The following GDAP1 variants were observed in gnomAD, a reference collection of about 807,000 sequenced individuals.
The protein encoded by GDAP1 is ganglioside-induced differentiation-associated protein 1.
GDAP1 carries 34 observed loss-of-function variants against 40.1 expected under a neutral mutation model. The observed-to-expected ratio is 0.85, with a 90% CI of 0.64 to 1.13. GDAP1 has a LOEUF of 1.13. Among genes scored for constraint, GDAP1 ranks in the 50% most tolerant of loss-of-function variants. GDAP1 has a pLI of 0.00. For missense variants in GDAP1, 374 were observed against 433.7 expected, an observed-to-expected ratio of 0.86 and a Z score of 1.22; for synonymous variants, 170 against 157.4, an observed-to-expected ratio of 1.08 and a Z score of -0.60.
At chr8:74,352,124 G>T (rs1808905558) in intron 2 of GDAP1, among the ~76,000 whole-genome samples, 1 of 152,206 alleles carries the variant, frequency 6.6e-6, no homozygotes, top group African/African-American at 2.4e-5. Context: ...CAACAGGGTT[G>T]CCCAAAGTAA....
At chr8:74,469,663 C>A (rs1806520937) in intron 2 of GDAP1, among the ~76,000 whole-genome samples, 1 of 141,446 alleles carries the variant, frequency 7.1e-6, no homozygotes, top group Non-Finnish European at 1.5e-5. Context: ...AGTGAGACTC[C>A]GTCTCAAAAA....
At chr8:74,442,163 A>G (rs1427386172) in intron 2 of GDAP1, among the ~76,000 whole-genome samples, 1 of 152,232 alleles carries the variant, frequency 6.6e-6, no homozygotes, top group East Asian at 1.9e-4. Flanking sequence ...TGACCATACT[A>G]ATTCAAATAA....
rs563291379 is a variant in GDAP1, at chr8:74,409,940, A to T, written c.165+58619A>T. On this transcript the variant is annotated intron_variant, in intron 2 of 2. Transcript: ENST00000523640. ...TCCCATCTCCTTGGCTGTGGCACCC[A>T]ATTAAAGCCTTCTTCCCTGGTAATA... Among the ~76,000 whole-genome samples the T allele has an allele frequency of 7.3e-5, 11 of 150,064 alleles. 1 individual carries two copies. The highest frequency in any genetic ancestry group is 2.6e-4 in the Admixed American group (4 of 15,258).
At position 74,400,064 on chromosome 8, in the gene GDAP1, G is replaced by A. The variant is rs537803073; in HGVS notation, c.165+48743G>A. Among the ~76,000 whole-genome samples, 1,256 of 147,774 alleles carry A rather than the reference G, an allele frequency of 8.5e-3. 127 individuals carry two copies. The highest frequency in any genetic ancestry group is 0.031 in the African/African-American group (1,176 of 37,542). On this transcript the variant is annotated intron_variant, in intron 2 of 2. Transcript: ENST00000523640. ...GGAGAGTTCTGTAGATGTCTATTAG[G>A]TCCGCTTGGTGCAGAGCTGAGTTCA... is the stretch of plus-strand genomic sequence containing the variant.
At chr8:74,488,178 C>A (rs1004995660) in intron 2 of GDAP1, among the ~76,000 whole-genome samples, 10 of 152,158 alleles carry the variant, frequency 6.6e-5, no homozygotes, top group African/African-American at 2.4e-4. Context: ...AATTATTAAA[C>A]TAGCACATTC....
intron 2 of GDAP1, among the ~76,000 whole-genome samples, chr8:74,431,639 A>G (rs966745483): frequency 7.2e-5 from 11 of 151,966 alleles, no homozygotes; most frequent in African/African-American, 1.9e-4. Flanking sequence ...CCGCCACTGC[A>G]CCCGGCTAAT....
At position 74,380,960 on chromosome 8, in the gene GDAP1, A is replaced by G. The variant is rs569719533; in HGVS notation, c.165+29639A>G. ...TTCCTAATCCTGTTTAACTCTGTCC[A>G]GTGCAATTTTCTTTGACAAGTGACA... On this transcript the variant is annotated intron_variant, in intron 2 of 2. Coordinates refer to the GDAP1 transcript ENST00000523640. 1.0e-3 allele frequency among the ~76,000 whole-genome samples: 153 copies of G among 152,256 alleles called. No homozygotes were observed. In the Middle Eastern group the frequency reaches 0.014, roughly 14 times the overall value.
chr8:74,363,922 A>G (rs1044717692), intron 5 of GDAP1, 63 bp from the exon 6 acceptor site: 3 of 1,400,334 alleles, frequency 2.1e-6, no homozygotes, highest in Non-Finnish European at 3.0e-6. Flanking sequence ...GACCACTGAT[A>G]CCAGCTGGAG....
intron 2 of GDAP1, among the ~76,000 whole-genome samples, chr8:74,391,947 T>G (rs1385147431): frequency 6.6e-6 from 1 of 152,096 alleles, no homozygotes; most frequent in African/African-American, 2.4e-5. Flanking sequence ...GCCTCCCAAG[T>G]AGCTGGGATT....
chr8:74,440,127 T>C (rs946819372), intron 2 of GDAP1, among the ~76,000 whole-genome samples: 1 of 152,192 alleles, frequency 6.6e-6, no homozygotes, highest in Non-Finnish European at 1.5e-5. Flanking sequence ...CCATGGGAAT[T>C]CTTCAGAGCC....
intron 2 of GDAP1, among the ~76,000 whole-genome samples, chr8:74,402,970 G>C (rs191319284): frequency 1.3e-4 from 20 of 150,034 alleles, no homozygotes; most frequent in Admixed American, 5.9e-4. Context: ...TTTTTCAAAA[G>C]TTAATGAGAA....
At chr8:74,460,297 C>T (rs1423718009) in intron 2 of GDAP1, among the ~76,000 whole-genome samples, 1 of 152,162 alleles carries the variant, frequency 6.6e-6, no homozygotes, top group African/African-American at 2.4e-5. Flanking sequence ...TTTATTTTGA[C>T]TAAGCATCAA....
At chr8:74,378,147 G>A (rs1286836010) in intron 2 of GDAP1, among the ~76,000 whole-genome samples, 5 of 152,184 alleles carry the variant, frequency 3.3e-5, no homozygotes, top group Admixed American at 3.3e-4. Context: ...CTAATCTCAT[G>A]TGATTATGTG....
At chr8:74,367,014 G>A (rs542213437), downstream of GDAP1, 6 of 256,136 alleles carry the variant, frequency 2.3e-5, no homozygotes, top group Admixed American at 5.2e-5. Flanking sequence ...CCATATTTTC[G>A]TTATAACAAA....
intron 2 of GDAP1, among the ~76,000 whole-genome samples, chr8:74,408,877 C>T (rs1169061267): frequency 2.0e-5 from 3 of 150,070 alleles, no homozygotes; most frequent in African/African-American, 7.6e-5. Context: ...CTGAGGAAGA[C>T]ATAGCCCAGG....
chr8:74,448,366 A>G (rs1405509666), intron 2 of GDAP1, among the ~76,000 whole-genome samples: 1 of 152,292 alleles, frequency 6.6e-6, no homozygotes, highest in African/African-American at 2.4e-5. Context: ...TTATATGAAT[A>G]TGCCACAATT....
chr8:74,462,750 A>T (rs548517404), intron 2 of GDAP1, among the ~76,000 whole-genome samples: 115 of 152,286 alleles, frequency 7.6e-4, no homozygotes, highest in Non-Finnish European at 1.2e-3. Context: ...TAAAACAAAA[A>T]TTGGGAATGA....
intron 2 of GDAP1, among the ~76,000 whole-genome samples, chr8:74,459,011 C>T (rs972346113): frequency 6.6e-6 from 1 of 152,070 alleles, no homozygotes; most frequent in Non-Finnish European, 1.5e-5. Flanking sequence ...TTTAACTCAC[C>T]CTGTTTCTGG....
chr8:74,394,933 C>T (rs1356393160), intron 2 of GDAP1, among the ~76,000 whole-genome samples: 1 of 152,150 alleles, frequency 6.6e-6, no homozygotes, highest in East Asian at 1.9e-4. Context: ...GCATCAATTG[C>T]AAATTAAATG....
Sources: gnomAD v4.1 joint callset for allele counts (sites outside exome capture counted in the v4.1 genomes callset) on GRCh38, gnomAD v4.1.1 for gene constraint, MANE v1.5 for transcripts, NCBI Gene and HGNC (gene_info 2026-07-23, HGNC 2026-07-21) for gene names.